Variants in ADGRL2 observed in about 807,000 individuals in gnomAD.
ADGRL2 encodes calcium-independent alpha-latrotoxin receptor 2.
In ADGRL2, 44 loss-of-function variants were observed where a neutral mutation model predicts 157.4. The observed-to-expected ratio is 0.28, with a 90% confidence interval of 0.22 to 0.36. The LOEUF (loss-of-function observed/expected upper bound fraction) is 0.36. ADGRL2 is among the 10% of genes least tolerant of loss of function. The pLI is 1.00. For missense variants in ADGRL2, 1,510 were observed against 1,768.9 expected, an observed-to-expected ratio of 0.85 and a Z score of 2.63; for synonymous variants, 585 against 624.7, an observed-to-expected ratio of 0.94 and a Z score of 0.95.
At chr1:81,771,176 T>A (rs1452587315) in intron 2 of ADGRL2, among the ~76,000 whole-genome samples, 3 of 152,204 alleles carry the variant, frequency 2.0e-5, no homozygotes, top group Non-Finnish European at 4.4e-5. Context: ...AGTTGTTGGT[T>A]TTTTGTAGAT....
At chr1:81,452,820 C>A (rs143015230) in intron 2 of ADGRL2, among the ~76,000 whole-genome samples, 223 of 152,194 alleles carry the variant, frequency 1.5e-3, no homozygotes, top group African/African-American at 5.1e-3. Flanking sequence ...AAAGTATGAG[C>A]ACCATTGAGA....
intron 2 of ADGRL2, among the ~76,000 whole-genome samples, chr1:81,573,548 A>G (rs1420452017): frequency 6.6e-6 from 1 of 152,164 alleles, no homozygotes; most frequent in Non-Finnish European, 1.5e-5. Context: ...ATGTGTGGGA[A>G]TGAAAATAGT....
chr1:81,736,433 G>A (rs1441515381), intron 1 of ADGRL2, among the ~76,000 whole-genome samples: 2 of 151,948 alleles, frequency 1.3e-5, no homozygotes, highest in African/African-American at 4.8e-5. Flanking sequence ...TACCTAATGG[G>A]GTTCCTCTTA....
At chr1:81,592,087 C>T (rs2081144656) in intron 3 of ADGRL2, among the ~76,000 whole-genome samples, 1 of 152,142 alleles carries the variant, frequency 6.6e-6, no homozygotes, top group Non-Finnish European at 1.5e-5. Flanking sequence ...CTCTTTAATG[C>T]ATCAGTGATA....
intron 2 of ADGRL2, among the ~76,000 whole-genome samples, chr1:81,505,681 A>C (rs1399792976): frequency 1.3e-5 from 2 of 150,954 alleles, no homozygotes; most frequent in Admixed American, 6.6e-5. Flanking sequence ...CTAACCAGGA[A>C]AAATGTGATA....
intron 2 of ADGRL2, among the ~76,000 whole-genome samples, chr1:81,472,067 A>G (rs749438773): frequency 7.0e-4 from 107 of 152,222 alleles, no homozygotes; most frequent in African/African-American, 2.1e-3. Flanking sequence ...ATACCAGTAC[A>G]GAGAAATGTA....
intron 2 of ADGRL2, among the ~76,000 whole-genome samples, chr1:81,467,702 T>C (rs1024345331): frequency 6.6e-6 from 1 of 152,148 alleles, no homozygotes; most frequent in Admixed American, 6.6e-5. Flanking sequence ...TTGGGGTTTC[T>C]GGGAGTGATT....
rs762043588 is a variant in ADGRL2 at position 81,990,573 on chromosome 1, A to G, written c.3838A>G (p.Asn1280Asp). 1 of 1,614,196 alleles carries G rather than the reference A, an allele frequency of 6.2e-7. No homozygotes were observed. The highest frequency in any genetic ancestry group is 1.7e-5 in the Admixed American group (1 of 60,012). The change falls in exon 24 of 24, where the codon AAC becomes GAC. Residue 1280 changes from asparagine (N) to aspartate (D), a missense_variant. By Grantham distance (23) the Asn-to-Asp change is conservative. Transcript: ENST00000686636. ...EKMIISELVHNNLRGSSKTHN... is the reference protein window; with the variant it reads ...EKMIISELVHDNLRGSSKTHN... ...AATGATCATTTCAGAATTAGTGCAC[A>G]ACAACTTACGGGGCAGCAGCAAGAC...
rs111923398 is a variant in ADGRL2, at chr1:81,411,926, T to C, written c.-301-33110T>C. Among the ~76,000 whole-genome samples, 925 of 152,054 alleles carry C rather than the reference T, an allele frequency of 6.1e-3. 10 individuals carry two copies. Among genetic ancestry groups the C allele is most frequent in the African/African-American group, 0.022 (896 of 41,486 alleles). On this transcript the variant is annotated intron_variant, in intron 1 of 24. Coordinates refer to the ADGRL2 transcript ENST00000370721. ...TTAAGAAAGGTGAATCCTCTTTGGT[T>C]TGGTTTCTGAATGTAGTAAGTCTCA...
At chr1:81,502,420 C>T (rs2078873515) in intron 2 of ADGRL2, 5 of 1,614,062 alleles carry the variant, frequency 3.1e-6, no homozygotes, top group Admixed American at 1.7e-5. Flanking sequence ...ATGAACTGGA[C>T]GGTGATCCTG....
intron 11 of ADGRL2, among the ~76,000 whole-genome samples, chr1:81,963,945 T>A (rs1317900641): frequency 6.6e-6 from 1 of 151,322 alleles, no homozygotes; most frequent in East Asian, 2.0e-4. Context: ...TTAGGGTTTT[T>A]AATTTCTTTT....
At chr1:81,491,237 C>G (rs1239280227) in intron 2 of ADGRL2, among the ~76,000 whole-genome samples, 1 of 152,064 alleles carries the variant, frequency 6.6e-6, no homozygotes, top group Non-Finnish European at 1.5e-5. Context: ...TTAAATAAAG[C>G]TCTAAAACAA....
chr1:81,934,710 GT>G (rs901848306), intron 3 of ADGRL2, among the ~76,000 whole-genome samples: 5 of 151,904 alleles, frequency 3.3e-5, no homozygotes, highest in African/African-American at 7.2e-5. Flanking sequence ...ATTTGGAGGA[GT>G]TTTTGTAATC....
intron 1 of ADGRL2, among the ~76,000 whole-genome samples, chr1:81,429,653 G>A (rs2077283814): frequency 6.6e-6 from 1 of 152,114 alleles, no homozygotes; most frequent in Admixed American, 6.5e-5. Context: ...TTAAAACAAT[G>A]GTTTCCATAT....
At chr1:81,384,315 T>C (rs1292160574) in intron 1 of ADGRL2, among the ~76,000 whole-genome samples, 3 of 152,182 alleles carry the variant, frequency 2.0e-5, no homozygotes, top group South Asian at 2.1e-4. Context: ...TGCTGAAGTA[T>C]AGTAAATCTC....
rs1334701949 is a variant in ADGRL2 at position 81,876,969 on chromosome 1, T to C, written c.74-30048T>C. 2.0e-5 allele frequency among the ~76,000 whole-genome samples: 3 copies of C among 152,080 alleles called. No homozygotes were observed. In the East Asian group the frequency reaches 5.8e-4, roughly 29 times the overall value. The stretch of plus-strand genomic sequence containing the variant: ...GGAATTCAAAGTAGATCAAATTCCT[T>C]CCCTGAGCCAGGATTCTCTGAGTGC... On this transcript the variant is annotated intron_variant, in intron 2 of 23. Transcript: ENST00000686636.
At chr1:81,391,264 T>A (rs1180603276) in intron 1 of ADGRL2, among the ~76,000 whole-genome samples, 1 of 152,302 alleles carries the variant, frequency 6.6e-6, no homozygotes, top group African/African-American at 2.4e-5. Context: ...TTGTGGCACT[T>A]GTGCTACAGA....
rs7540390 is a variant in ADGRL2, at chr1:81,546,842, G to A, written c.-247-34034G>A. Among the ~76,000 whole-genome samples the A allele has an allele frequency of 4.4e-3, 665 of 152,180 alleles. 4 individuals are homozygous for A. Among genetic ancestry groups the A allele is most frequent in the African/African-American group, 0.015 (637 of 41,520 alleles). ...GAAGAGGTGTCCTCTAAGTCCTCCCGGCCTGGTCTTCTCCCAGAGGTGGTC... is the reference window on the plus strand; with the variant it reads ...GAAGAGGTGTCCTCTAAGTCCTCCCAGCCTGGTCTTCTCCCAGAGGTGGTC... On this transcript the variant is annotated intron_variant, in intron 2 of 24. Transcript: ENST00000370721.
At chr1:81,791,692 T>C (rs1273134632) in intron 2 of ADGRL2, among the ~76,000 whole-genome samples, 1 of 152,152 alleles carries the variant, frequency 6.6e-6, no homozygotes, top group East Asian at 1.9e-4. Context: ...TTATGTTCTG[T>C]GTAGGATATA....
Sources: allele counts gnomAD v4.1 joint callset (sites outside exome capture counted in the v4.1 genomes callset), GRCh38; gene constraint gnomAD v4.1.1; transcripts MANE v1.5; gene names NCBI Gene and HGNC (gene_info 2026-07-23, HGNC 2026-07-21).